The following ANO4 variants were observed in gnomAD, a reference collection of about 807,000 sequenced individuals.
ANO4 encodes the protein anoctamin-4.
Under a neutral mutation model 141.9 loss-of-function variants are expected in ANO4, and 69 were observed. That is an observed-to-expected ratio of 0.49 (90% confidence interval 0.40 to 0.59). The LOEUF (loss-of-function observed/expected upper bound fraction) is 0.59, where lower values mean the gene tolerates loss of function less well. ANO4 is among the 20% of genes least tolerant of loss of function. ANO4 has a pLI of 0.00. For missense variants in ANO4, 894 were observed against 1,162.2 expected, an observed-to-expected ratio of 0.77 and a Z score of 3.36; for synonymous variants, 350 against 394.3, an observed-to-expected ratio of 0.89 and a Z score of 1.33.
At chr12:100,723,112 T>C (rs1179367264) in intron 1 of ANO4, among the ~76,000 whole-genome samples, 2 of 152,204 alleles carry the variant, frequency 1.3e-5, no homozygotes, top group Admixed American at 1.3e-4. Context: ...TTTTTGACCT[T>C]CAGCCCTTCA....
intron 1 of ANO4, among the ~76,000 whole-genome samples, chr12:100,867,633 C>G (rs2038817466): frequency 6.6e-6 from 1 of 152,126 alleles, no homozygotes; most frequent in Admixed American, 6.6e-5. Context: ...CACACACACA[C>G]ACTCAGAATG....
chr12:100,829,775 T>C (rs937545527), intron 1 of ANO4, among the ~76,000 whole-genome samples: 1 of 152,118 alleles, frequency 6.6e-6, no homozygotes, highest in Non-Finnish European at 1.5e-5. Context: ...CAAAACCTTA[T>C]ATGAAATTCT....
intron 1 of ANO4, among the ~76,000 whole-genome samples, chr12:100,872,598 T>C (rs1347696442): frequency 6.6e-6 from 1 of 152,218 alleles, no homozygotes; most frequent in Non-Finnish European, 1.5e-5. Context: ...TTCAGTAAAT[T>C]AACATGTTAT....
intron 8 of ANO4, among the ~76,000 whole-genome samples, chr12:101,005,240 A>G (rs1293552330): frequency 6.6e-6 from 1 of 152,176 alleles, no homozygotes; most frequent in African/African-American, 2.4e-5. Flanking sequence ...GCTTATTCTA[A>G]ATTGGATTTT....
chr12:101,059,730 C>T (rs566552004), intron 14 of ANO4, among the ~76,000 whole-genome samples: 1 of 152,160 alleles, frequency 6.6e-6, no homozygotes, highest in South Asian at 2.1e-4. Context: ...GGTTATATCC[C>T]CTTTATCATT....
chr12:100,923,120 G>A (rs887548361), intron 3 of ANO4, among the ~76,000 whole-genome samples: 24 of 151,792 alleles, frequency 1.6e-4, no homozygotes, highest in African/African-American at 5.3e-4. Flanking sequence ...TCTAGTTTTG[G>A]GACATTGCAT....
chr12:101,110,333 G>A, intron 22 of ANO4, 71 bp from the exon 23 acceptor site: 2 of 1,464,064 alleles, frequency 1.4e-6, no homozygotes, highest in Non-Finnish European at 1.8e-6. Context: ...AACATATTCA[G>A]ATTATGATCC....
Position 101,086,877 on chromosome 12 carries a change from T to C in ANO4, c.1701+53T>C. The C allele has an allele frequency of 3.2e-6, 5 of 1,585,236 alleles. No homozygotes were observed. In the East Asian group the frequency reaches 1.1e-4, roughly 36 times the overall value. On this transcript the variant is annotated intron_variant, in intron 17 of 27. Transcript: ENST00000392977. ...CGGATCAAAATGTGTGGGCTGCAAGTGACAGTTTTCTTCTGTTGCTAAGGG... is the reference window on the plus strand; with the variant it reads ...CGGATCAAAATGTGTGGGCTGCAAGCGACAGTTTTCTTCTGTTGCTAAGGG...
At chr12:101,124,527 A>G (rs1440881871) in intron 26 of ANO4, among the ~76,000 whole-genome samples, 4 of 152,186 alleles carry the variant, frequency 2.6e-5, no homozygotes, top group East Asian at 1.9e-4. Flanking sequence ...TGGTGTTTTC[A>G]TCATGAAATT....
chr12:100,933,206 G>A (rs912103531), intron 3 of ANO4, among the ~76,000 whole-genome samples: 4 of 151,904 alleles, frequency 2.6e-5, no homozygotes, highest in Admixed American at 1.3e-4. Context: ...TGCCATGTTG[G>A]TTTGTTGCAC....
intron 14 of ANO4, among the ~76,000 whole-genome samples, chr12:101,064,647 C>A (rs927141637): frequency 6.7e-5 from 9 of 134,144 alleles, no homozygotes; most frequent in African/African-American, 2.6e-4. Flanking sequence ...CACATGTATC[C>A]CAGAACTTAA....
chr12:101,057,598 A>G (rs2048175730), intron 14 of ANO4, among the ~76,000 whole-genome samples: 1 of 152,100 alleles, frequency 6.6e-6, no homozygotes, highest in Non-Finnish European at 1.5e-5. Context: ...TTTGATTTGC[A>G]TTTCTCTAAT....
intron 1 of ANO4, among the ~76,000 whole-genome samples, chr12:100,881,778 C>T (rs1449292597): frequency 6.6e-6 from 1 of 152,166 alleles, no homozygotes; most frequent in Non-Finnish European, 1.5e-5. Context: ...GAGAGAAAAG[C>T]AGTTGTCATG....
At chr12:101,096,495 G>A (rs1429147130) in intron 18 of ANO4, 41 bp from the exon 19 acceptor site, 1 of 1,473,608 alleles carries the variant, frequency 6.8e-7, no homozygotes, top group African/African-American at 1.4e-5. Context: ...GAGAGGGGAT[G>A]AGATTCAGCC....
intron 1 of ANO4, among the ~76,000 whole-genome samples, chr12:100,812,649 T>C (rs1256968473): frequency 2.0e-5 from 3 of 152,186 alleles, no homozygotes; most frequent in Admixed American, 6.6e-5. Flanking sequence ...GGCTTTAAGC[T>C]TTCAATCAGC....
At chr12:100,961,563 A>G (rs968973425) in intron 5 of ANO4, among the ~76,000 whole-genome samples, 25 of 152,262 alleles carry the variant, frequency 1.6e-4, no homozygotes, top group African/African-American at 5.8e-4. Flanking sequence ...CGATAGAAAT[A>G]ATGTAATTTA....
intron 1 of ANO4, among the ~76,000 whole-genome samples, chr12:100,869,910 T>C (rs1178738757): frequency 1.3e-5 from 2 of 152,196 alleles, no homozygotes; most frequent in African/African-American, 4.8e-5. Flanking sequence ...CTACCACTGC[T>C]AGAGACAACT....
chr12:100,943,460 A>G (rs1281954648), intron 5 of ANO4, among the ~76,000 whole-genome samples: 1 of 152,236 alleles, frequency 6.6e-6, no homozygotes, highest in African/African-American at 2.4e-5. Flanking sequence ...TATTAGAAGC[A>G]TAATATGCAT....
At position 100,884,331 on chromosome 12, in the gene ANO4, G is replaced by A. The variant is rs139548448; in HGVS notation, c.-140-17315G>A. ...TGGTCAGTTAAGGAAATTAAATATC[G>A]ATTAAGGAAATTCAGACAGGGCAGC... is the stretch of plus-strand genomic sequence containing the variant. On this transcript the variant is annotated intron_variant, in intron 1 of 27. Transcript: ENST00000392977. 3.0e-3 allele frequency among the ~76,000 whole-genome samples: 457 copies of A among 152,238 alleles called. 4 individuals are homozygous for A. The highest frequency in any genetic ancestry group is 0.01 in the African/African-American group (423 of 41,544).
Sources: allele counts gnomAD v4.1 joint callset (sites outside exome capture counted in the v4.1 genomes callset), GRCh38; gene constraint gnomAD v4.1.1; transcripts MANE v1.5; gene names NCBI Gene and HGNC (gene_info 2026-07-23, HGNC 2026-07-21).